Variants in IL1RAPL2 observed in about 807,000 individuals in gnomAD.
The protein encoded by IL1RAPL2 is X-linked interleukin-1 receptor accessory protein-like 2.
A neutral mutation model predicts 44.1 loss-of-function variants in IL1RAPL2; 3 were observed. The ratio of observed to expected loss-of-function variants is 0.07; its 90% CI spans 0.03 to 0.18. The LOEUF is 0.18. IL1RAPL2 is among the 10% of genes least tolerant of loss of function. The pLI, the probability that IL1RAPL2 is intolerant of heterozygous loss-of-function variation, is 1.00. For synonymous variants in IL1RAPL2, 181 were observed against 178.8 expected (o/e 1.01, Z -0.10); for missense variants, 391 against 496.4 (o/e 0.79, Z 2.02).
chrX:104,967,027 T>G (rs1440278994), intron 2 of IL1RAPL2, among the ~76,000 whole-genome samples: 2 of 112,439 alleles, frequency 1.8e-5, no homozygotes, highest in Non-Finnish European at 3.8e-5. Context: ...AGTTTGCCAA[T>G]GCCTAATATC....
chrX:105,489,626 A>G (rs1602434989), intron 6 of IL1RAPL2, among the ~76,000 whole-genome samples: 1 of 110,209 alleles, frequency 9.1e-6, no homozygotes, highest in South Asian at 3.9e-4. Flanking sequence ...TGTTCTTCTG[A>G]CTGATGATGA....
intron 2 of IL1RAPL2, among the ~76,000 whole-genome samples, chrX:104,826,635 G>T (rs938756725): frequency 9.0e-6 from 1 of 111,384 alleles, no homozygotes; most frequent in African/African-American, 3.3e-5. Context: ...GGTCGGCTTG[G>T]TCCAGAGCTG....
intron 1 of IL1RAPL2, among the ~76,000 whole-genome samples, chrX:104,643,091 T>C (rs1218857750): frequency 8.9e-6 from 1 of 112,261 alleles, no homozygotes; most frequent in Non-Finnish European, 1.9e-5. Flanking sequence ...TGAGAGTGTT[T>C]TGCTGCAGGC....
At chrX:105,412,591 GGT>G (rs1480607524) in intron 5 of IL1RAPL2, among the ~76,000 whole-genome samples, 2 of 110,719 alleles carry the variant, frequency 1.8e-5, no homozygotes, top group African/African-American at 6.5e-5. Context: ...TGGCGAAGTT[GGT>G]CAATGCATGC....
At chrX:104,827,638 G>A (rs1391728517) in intron 2 of IL1RAPL2, among the ~76,000 whole-genome samples, 11 of 111,144 alleles carry the variant, frequency 9.9e-5, no homozygotes, top group Admixed American at 2.9e-4. Context: ...TCTTTGTGGT[G>A]TTCTCTGTAT....
At chrX:105,737,233 G>A (rs1202383457) in intron 7 of IL1RAPL2, among the ~76,000 whole-genome samples, 1 of 110,929 alleles carries the variant, frequency 9.0e-6, no homozygotes, top group African/African-American at 3.3e-5. Context: ...CTACTTGAGA[G>A]TCTTGGAGGG....
intron 1 of IL1RAPL2, among the ~76,000 whole-genome samples, chrX:104,651,294 T>C (rs960706900): frequency 1.4e-4 from 16 of 111,960 alleles, no homozygotes; most frequent in African/African-American, 4.2e-4. Flanking sequence ...CTATTTTATT[T>C]CACAAAGAAT....
intron 6 of IL1RAPL2, among the ~76,000 whole-genome samples, chrX:105,485,263 A>G (rs1444410931): frequency 9.0e-6 from 1 of 111,402 alleles, no homozygotes; most frequent in East Asian, 2.8e-4. Flanking sequence ...AGGGAAGACA[A>G]ATTGATCCCA....
chrX:105,256,334 C>CTTT (rs35418392), intron 4 of IL1RAPL2, among the ~76,000 whole-genome samples: 1 of 100,594 alleles, frequency 9.9e-6, no homozygotes, highest in African/African-American at 3.6e-5. Flanking sequence ...AATTTTTTTT[C>CTTT]TTTTTTTTTT....
rs184037320 is a variant in IL1RAPL2, at chrX:104,898,224, G to T, written c.82+239229G>T. On this transcript the variant is annotated intron_variant, in intron 2 of 10. Coordinates refer to ENST00000372582, the MANE Select transcript of IL1RAPL2 (RefSeq NM_017416.2). ...TGCCTTCTTGAACAGATCTTTAGGA[G>T]TCGGTAAAACAATAGTGGGATAGCA... Among the ~76,000 whole-genome samples the T allele has an allele frequency of 3.0e-3, 338 of 111,794 alleles. 1 individual carries two copies. Among genetic ancestry groups the T allele is most frequent in the Non-Finnish European group, 2.5e-3 (131 of 53,128 alleles).
chrX:105,353,216 G>A (rs1569427633), intron 5 of IL1RAPL2, among the ~76,000 whole-genome samples: 1 of 111,262 alleles, frequency 9.0e-6, no homozygotes, highest in Non-Finnish European at 1.9e-5. Context: ...GTTTTTGTCA[G>A]GTTTGTCAAA....
At chrX:105,537,392 A>G (rs185140801) in intron 6 of IL1RAPL2, among the ~76,000 whole-genome samples, 1 of 111,652 alleles carries the variant, frequency 9.0e-6, no homozygotes, top group African/African-American at 3.3e-5. Flanking sequence ...TTCTGTTTCA[A>G]TTAAGGTCTC....
intron 3 of IL1RAPL2, among the ~76,000 whole-genome samples, chrX:105,198,050 T>C (rs185325898): frequency 8.9e-4 from 100 of 111,829 alleles, no homozygotes; most frequent in African/African-American, 3.0e-3. Context: ...CTAAGGATAA[T>C]GGCCATCCAC....
At chrX:105,630,516 T>TTTA (rs61077941) in intron 6 of IL1RAPL2, among the ~76,000 whole-genome samples, 1 of 108,055 alleles carries the variant, frequency 9.3e-6, no homozygotes, top group Admixed American at 1.0e-4. Flanking sequence ...TTTTTTTTTT[T>TTTA]AACTAAAGGG....
intron 5 of IL1RAPL2, among the ~76,000 whole-genome samples, chrX:105,372,450 AG>A (rs1450313376): frequency 9.3e-6 from 1 of 107,341 alleles, no homozygotes; most frequent in Non-Finnish European, 1.9e-5. Context: ...AAAAAAAAAA[AG>A]TCTTTTAATC....
chrX:105,407,097 C>G, intron 5 of IL1RAPL2: 1 of 567,906 alleles, frequency 1.8e-6, no homozygotes, highest in Non-Finnish European at 3.0e-6. Context: ...TTTTCCTTAT[C>G]ACTTTTCTTT....
chrX:104,894,851 G>A (rs1923587367), intron 2 of IL1RAPL2, among the ~76,000 whole-genome samples: 1 of 112,140 alleles, frequency 8.9e-6, no homozygotes, highest in Middle Eastern at 4.2e-3. Flanking sequence ...CTTTGGAGGG[G>A]GAGAGGCACT....
At chrX:105,081,163 A>G (rs908263654) in intron 2 of IL1RAPL2, among the ~76,000 whole-genome samples, 1 of 111,242 alleles carries the variant, frequency 9.0e-6, no homozygotes, top group African/African-American at 3.3e-5. Context: ...TCATCTGCAA[A>G]CAGAGACAAT....
intron 1 of IL1RAPL2, among the ~76,000 whole-genome samples, chrX:104,634,616 T>G (rs1355023935): frequency 8.9e-6 from 1 of 111,791 alleles, no homozygotes; most frequent in Non-Finnish European, 1.9e-5. Flanking sequence ...CTTTGTCTCT[T>G]TTGATCTTTG....
Sources: allele counts gnomAD v4.1 joint callset (sites outside exome capture counted in the v4.1 genomes callset), GRCh38; gene constraint gnomAD v4.1.1; transcripts MANE v1.5; gene names NCBI Gene and HGNC (gene_info 2026-07-23, HGNC 2026-07-21).